The following UTP6 variants were observed in gnomAD, a reference collection of about 807,000 sequenced individuals.
UTP6 encodes the protein U3 small nucleolar RNA-associated protein 6 homolog.
UTP6 carries 60 observed loss-of-function variants against 96.5 expected under a neutral mutation model. The observed-to-expected ratio is 0.62, with a 90% CI of 0.51 to 0.77. UTP6 has a LOEUF of 0.77. Among genes scored for constraint, UTP6 ranks in the 30% least tolerant of loss-of-function variants. The pLI is 0.00. For missense variants in UTP6, 637 were observed against 706.5 expected, an observed-to-expected ratio of 0.90 and a Z score of 1.12; for synonymous variants, 215 against 240.1, an observed-to-expected ratio of 0.90 and a Z score of 0.96.
rs1484368731 is a variant in UTP6, at chr17:31,880,580, CAG to C, written c.958_959del (p.Leu320AlafsTer19). On this transcript the variant is annotated frameshift_variant, in exon 11 of 19. Coordinates refer to ENST00000261708, the MANE Select transcript of UTP6 (RefSeq NM_018428.3). LOFTEE classifies it high-confidence loss of function. Reference protein sequence around the residue: ...CAVYEEAVKTLPTEAMWKCYI... With the variant: ...CAVYEEAVKTXPTEAMWKCYI... ...TGGTTTGGTGAAGTTCACCTGTTGG[CAG>C]AGTCTTCACTGCCTCTTCATACACA... 1 of 1,614,006 alleles carries C rather than the reference CAG, an allele frequency of 6.2e-7. No individual in the cohort carries two copies. The highest frequency in any genetic ancestry group is 1.3e-5 in the African/African-American group (1 of 74,932).
intron 7 of UTP6, 105 bp downstream of exon 7, chr17:31,889,180 G>C (rs898581566): frequency 1.3e-6 from 1 of 752,940 alleles, no homozygotes; most frequent in Non-Finnish European, 2.1e-6. Context: ...CCAGCTACTC[G>C]GGAGGCTGAG....
In UTP6 at chr17:31,889,471, T is replaced by C. The variant is rs1052791031; in HGVS notation, c.425-68A>G. On this transcript the variant is annotated intron_variant, in intron 6 of 18. Coordinates refer to ENST00000261708, the MANE Select transcript of UTP6 (RefSeq NM_018428.3). ...CAAGTCAGACAAGAAAAGAACCAAA[T>C]GATCCAATTTTAATACTCGCACAAT... 7 of 1,260,158 alleles carry C rather than the reference T, an allele frequency of 5.6e-6. No homozygotes were observed. In the African/African-American group the frequency reaches 9.1e-5, roughly 16 times the overall value. The allele number at this position is 1,260,158 out of a possible 1,614,324, so 78.1% of individuals were successfully genotyped here.
At position 31,892,745 on chromosome 17, in the gene UTP6, A is replaced by G. The variant is rs1904395136; in HGVS notation, c.360+2T>C. 2 of 1,614,062 alleles carry G rather than the reference A, an allele frequency of 1.2e-6. No homozygotes were observed. Among genetic ancestry groups the G allele is most frequent in the African/African-American group, 1.3e-5 (1 of 74,932 alleles). ...AAGCAAGACATGCATGGCTTTACTC[A>G]CCCACTTCTTACAAAAAGCCACATA... On this transcript the variant is annotated splice_donor_variant, in intron 5 of 18. Transcript: ENST00000261708. LOFTEE classifies it high-confidence loss of function.
chr17:31,891,645 C>T (rs977600867), intron 6 of UTP6, among the ~76,000 whole-genome samples: 4 of 152,206 alleles, frequency 2.6e-5, no homozygotes, highest in Non-Finnish European at 5.9e-5. Flanking sequence ...CCCCTTTAAG[C>T]TTCTAAAATT....
Position 31,882,282 on chromosome 17 carries a change from C to T in UTP6, c.786-1528G>A, listed in dbSNP as rs527554188. On this transcript the variant is annotated intron_variant, in intron 10 of 18. Transcript: ENST00000261708. ...CTGACCTCAGGTGATCCGCCCGCCTCGGCCTTCCCAAGTGCTGGGATTACA... is the reference window on the plus strand; with the variant it reads ...CTGACCTCAGGTGATCCGCCCGCCTTGGCCTTCCCAAGTGCTGGGATTACA... Among the ~76,000 whole-genome samples, 5 of 151,606 alleles carry T rather than the reference C, an allele frequency of 3.3e-5. No homozygotes were observed. The East Asian group carries it at 9.7e-4, about 29-fold the overall frequency.
Position 31,863,101 on chromosome 17 carries a change from G to C in UTP6, c.*258C>G. 1 of 445,044 alleles carries C rather than the reference G, an allele frequency of 2.2e-6. No individual in the cohort carries two copies. Among genetic ancestry groups the C allele is most frequent in the Middle Eastern group, 6.2e-4 (1 of 1,618 alleles). 27.6% of individuals were successfully genotyped at this position (445,044 alleles called of 1,614,324 possible). A position where few individuals can be genotyped will look rare whatever the true frequency, so the allele number is the denominator to read the frequency against. On this transcript the variant is annotated 3_prime_UTR_variant, in exon 19 of 19. Coordinates refer to ENST00000261708, the MANE Select transcript of UTP6 (RefSeq NM_018428.3). ...TGCACCTATAATCCCAGCTACTCAG[G>C]AGTCTGAGGTGAGAAGGTCACTTGA...
intron 5 of UTP6, 111 bp downstream of exon 5, chr17:31,892,633 GTTC>G: frequency 1.6e-6 from 2 of 1,265,938 alleles, no homozygotes; most frequent in Non-Finnish European, 2.2e-6. Context: ...GCCTTCTTGG[GTTC>G]TTTTTTCATG....
At chr17:31,867,862 C>T (rs910993404) in intron 17 of UTP6, among the ~76,000 whole-genome samples, 184 bp downstream of exon 17, 4 of 151,938 alleles carry the variant, frequency 2.6e-5, no homozygotes, top group Non-Finnish European at 5.9e-5. Flanking sequence ...GGGGCTGAGG[C>T]AGGAGAATCA....
chr17:31,892,371 A>C (rs780825545), intron 5 of UTP6, 48 bp from the exon 6 acceptor site: 2 of 1,556,664 alleles, frequency 1.3e-6, no homozygotes, highest in Non-Finnish European at 1.8e-6. Context: ...TAAATCATTG[A>C]TCTTACTCTC....
At chr17:31,875,136 GA>G (rs1410752869) in intron 14 of UTP6, 97 bp downstream of exon 14, 6 of 1,409,758 alleles carry the variant, frequency 4.3e-6, no homozygotes, top group Non-Finnish European at 5.8e-6. Context: ...TGCCACTCTA[GA>G]GTTGGCTCTC....
intron 1 of UTP6, among the ~76,000 whole-genome samples, chr17:31,900,502 G>A (rs1266164772): frequency 6.6e-6 from 1 of 152,076 alleles, no homozygotes; most frequent in Non-Finnish European, 1.5e-5. Context: ...ATATTGGCCA[G>A]GCTGGTCTCG....
rs930924357 is a variant in UTP6, at chr17:31,865,456, T to C, written c.1564-18A>G. The C allele has an allele frequency of 2.5e-6, 4 of 1,610,658 alleles. No individual in the cohort carries two copies. Among genetic ancestry groups the C allele is most frequent in the African/African-American group, 2.7e-5 (2 of 74,890 alleles). On this transcript the variant is annotated intron_variant, in intron 17 of 18. Coordinates refer to ENST00000261708, the MANE Select transcript of UTP6 (RefSeq NM_018428.3). ...CAGGATTCCTGACAAAGATAGACAA[T>C]CTTGTCTCAAAAGCCTGATTTATAA...
chr17:31,869,614 C>T (rs1234544416), intron 16 of UTP6, among the ~76,000 whole-genome samples: 1 of 152,128 alleles, frequency 6.6e-6, no homozygotes, highest in African/African-American at 2.4e-5. Context: ...CCTCCTAAAG[C>T]ACTGGGATTA....
intron 2 of UTP6, among the ~76,000 whole-genome samples, chr17:31,896,293 A>G (rs1904635565): frequency 6.6e-6 from 1 of 151,526 alleles, no homozygotes; most frequent in Non-Finnish European, 1.5e-5. Context: ...GACCAGGCTG[A>G]TCTCCAACTC....
chr17:31,869,772 G>A lies in UTP6; in HGVS notation c.1497-1660C>T, dbSNP rs142145667. Among the ~76,000 whole-genome samples the A allele has an allele frequency of 1.5e-4, 23 of 152,280 alleles. 1 individual carries two copies. Among genetic ancestry groups the A allele is most frequent in the African/African-American group, 5.1e-4 (21 of 41,566 alleles). ...TTGGGATAGACTGACCCTGTTACCT[G>A]GGTAAGGAGCACAGTAATCGATAGG... is the stretch of plus-strand genomic sequence containing the variant. On this transcript the variant is annotated intron_variant, in intron 16 of 18. Transcript: ENST00000261708.
intron 12 of UTP6, 25 bp from the exon 13 acceptor site, chr17:31,878,352 T>A: frequency 6.2e-7 from 1 of 1,612,498 alleles, no homozygotes; most frequent in Non-Finnish European, 8.5e-7. Flanking sequence ...ATCCCTCAGT[T>A]CATTACAAAG....
intron 10 of UTP6, among the ~76,000 whole-genome samples, chr17:31,881,164 CTG>C (rs1910813683): frequency 6.7e-6 from 1 of 149,706 alleles, no homozygotes. Flanking sequence ...GAGCGAGACT[CTG>C]TCTCAAAAAA....
At chr17:31,869,959 G>A (rs1598095522) in intron 16 of UTP6, among the ~76,000 whole-genome samples, 1 of 152,130 alleles carries the variant, frequency 6.6e-6, no homozygotes, top group African/African-American at 2.4e-5. Flanking sequence ...ACTTGCTGAG[G>A]ACAATGACCT....
chr17:31,884,595 ATCT>A (rs368162298), intron 9 of UTP6, 90 bp from the exon 10 acceptor site: 28 of 995,054 alleles, frequency 2.8e-5, no homozygotes, highest in Middle Eastern at 2.6e-4. Flanking sequence ...ACTGGAGTTA[ATCT>A]TCTTGTTTTT....
Sources: allele counts gnomAD v4.1 joint callset (sites outside exome capture counted in the v4.1 genomes callset), GRCh38; gene constraint gnomAD v4.1.1; transcripts MANE v1.5; gene names NCBI Gene and HGNC (gene_info 2026-07-23, HGNC 2026-07-21).